Variants in TXLNB observed in about 807,000 individuals in gnomAD.
TXLNB encodes taxilin beta.
TXLNB carries 37 observed loss-of-function variants against 57.4 expected under a neutral mutation model. That is an observed-to-expected ratio of 0.64 (90% CI 0.50 to 0.85). The LOEUF is 0.85. Among genes scored for constraint, TXLNB ranks in the 40% least tolerant of loss-of-function variants. The pLI is 0.00. For synonymous variants in TXLNB, 302 were observed against 309.6 expected, an observed-to-expected ratio of 0.98 and a Z score of 0.26; for missense variants, 848 against 825.6, an observed-to-expected ratio of 1.03 and a Z score of -0.33.
At chr6:139,243,619 T>C (rs898920284) in intron 9 of TXLNB, among the ~76,000 whole-genome samples, 4 of 151,950 alleles carry the variant, frequency 2.6e-5, no homozygotes, top group Admixed American at 6.6e-5. Flanking sequence ...TCAAATCTTA[T>C]GGATGAATTT....
intron 5 of TXLNB, among the ~76,000 whole-genome samples, chr6:139,262,283 G>A (rs1482382389): frequency 6.6e-6 from 1 of 152,126 alleles, no homozygotes; most frequent in Non-Finnish European, 1.5e-5. Flanking sequence ...TATAGAGAGA[G>A]GATTTTTAAA....
At chr6:139,233,035 A>T in the TXLNB span, among the ~76,000 whole-genome samples, 1 of 152,126 alleles carries the variant, frequency 6.6e-6, no homozygotes, top group South Asian at 2.1e-4. Flanking sequence ...TTATTCTATA[A>T]ATAATATAAT....
At chr6:139,210,047 A>G in the TXLNB span, among the ~76,000 whole-genome samples, 30 of 152,230 alleles carry the variant, frequency 2.0e-4, no homozygotes, top group African/African-American at 7.0e-4. Context: ...AAGTGGGCAA[A>G]GAATATGAAT....
Position 139,262,798 on chromosome 6 carries a change from T to G in TXLNB, c.688-25A>C, listed in dbSNP as rs747321511. On this transcript the variant is annotated intron_variant, in intron 4 of 9. Coordinates refer to ENST00000358430, the MANE Select transcript of TXLNB (RefSeq NM_153235.4). ...CCTGCGGATAAAAAGCAAAACATTTTGTTTAAATGCACCCCGGGTTTATAG... is the reference window on the plus strand; with the variant it reads ...CCTGCGGATAAAAAGCAAAACATTTGGTTTAAATGCACCCCGGGTTTATAG... 1.9e-6 allele frequency: 3 copies of G among 1,608,460 alleles called. No individual in the cohort carries two copies. In the African/African-American group the frequency reaches 4.0e-5, roughly 22 times the overall value.
the TXLNB span, among the ~76,000 whole-genome samples, chr6:139,222,700 A>G: frequency 6.6e-6 from 1 of 152,130 alleles, no homozygotes; most frequent in Non-Finnish European, 1.5e-5. Flanking sequence ...CAGCTACTCC[A>G]GAGGCTGAGG....
downstream of TXLNB, among the ~76,000 whole-genome samples, chr6:139,238,302 G>A (rs1439072546): frequency 2.0e-5 from 3 of 152,202 alleles, no homozygotes; most frequent in Non-Finnish European, 4.4e-5. Flanking sequence ...GCTGAGGCAC[G>A]AGACTGGCTT....
chr6:139,307,920 TG>T, the TXLNB span, among the ~76,000 whole-genome samples: 2 of 152,206 alleles, frequency 1.3e-5, no homozygotes, highest in Non-Finnish European at 2.9e-5. Flanking sequence ...TTAAAACACA[TG>T]GGTCTAGGGA....
intron 3 of TXLNB, among the ~76,000 whole-genome samples, chr6:139,272,473 A>G (rs1776788776): frequency 6.6e-6 from 1 of 152,208 alleles, no homozygotes; most frequent in South Asian, 2.1e-4. Context: ...GGATATGTAT[A>G]TATGATATTC....
intron 6 of TXLNB, among the ~76,000 whole-genome samples, chr6:139,259,394 C>G (rs992293432): frequency 3.3e-5 from 5 of 152,236 alleles, no homozygotes; most frequent in Admixed American, 3.3e-4. Context: ...ACCTCTCCCC[C>G]ATGCTCTTGC....
intron 3 of TXLNB, among the ~76,000 whole-genome samples, chr6:139,275,960 C>T (rs1164772936): frequency 6.6e-6 from 1 of 152,174 alleles, no homozygotes; most frequent in African/African-American, 2.4e-5. Flanking sequence ...AAGTTGCATT[C>T]TCCTGTCACT....
At chr6:139,159,378 A>G in the TXLNB span, 2 of 152,224 alleles carry the variant, frequency 1.3e-5, no homozygotes, top group Admixed American at 6.5e-5. Context: ...TTGAAACCTT[A>G]CATTTGTAAT....
At chr6:139,222,384 G>T in the TXLNB span, among the ~76,000 whole-genome samples, 2 of 152,206 alleles carry the variant, frequency 1.3e-5, no homozygotes, top group African/African-American at 4.8e-5. Context: ...AAGGCAATAA[G>T]CAATACTACA....
At chr6:139,230,272 T>A in the TXLNB span, among the ~76,000 whole-genome samples, 1 of 152,222 alleles carries the variant, frequency 6.6e-6, no homozygotes, top group African/African-American at 2.4e-5. Context: ...GCAAAAAATC[T>A]CTTGGCACAA....
chr6:139,209,963 A>G, the TXLNB span, among the ~76,000 whole-genome samples: 1 of 152,234 alleles, frequency 6.6e-6, no homozygotes, highest in Admixed American at 6.5e-5. Flanking sequence ...TAAACTATGC[A>G]TCTGACAAAG....
chr6:139,247,226 CT>C (rs1427360189), intron 8 of TXLNB, among the ~76,000 whole-genome samples: 1 of 152,110 alleles, frequency 6.6e-6, no homozygotes, highest in Admixed American at 6.5e-5. Context: ...GCTGCAACCT[CT>C]GCCTCCCAGG....
chr6:139,281,295 A>T (rs1026117521), intron 2 of TXLNB, among the ~76,000 whole-genome samples: 4 of 152,150 alleles, frequency 2.6e-5, no homozygotes, highest in Non-Finnish European at 4.4e-5. Flanking sequence ...ATTATGGTCC[A>T]CTTTTTTAAT....
At chr6:139,225,098 A>G in the TXLNB span, among the ~76,000 whole-genome samples, 1 of 152,218 alleles carries the variant, frequency 6.6e-6, no homozygotes, top group South Asian at 2.1e-4. Flanking sequence ...TTATCTAAAT[A>G]GACACAGAAA....
chr6:139,185,423 C>T, the TXLNB span, among the ~76,000 whole-genome samples: 13 of 152,212 alleles, frequency 8.5e-5, no homozygotes, highest in East Asian at 1.9e-3. Context: ...GAGTTGTGGC[C>T]GGGTGCAGTG....
chr6:139,167,381 CAA>C, the TXLNB span: 1 of 1,340,380 alleles, frequency 7.5e-7, no homozygotes. Context: ...AAACAACAAA[CAA>C]GACAGATTGC....
Sources: gnomAD v4.1 joint callset for allele counts (sites outside exome capture counted in the v4.1 genomes callset) on GRCh38, gnomAD v4.1.1 for gene constraint, MANE v1.5 for transcripts, NCBI Gene and HGNC (gene_info 2026-07-23, HGNC 2026-07-21) for gene names.